The following ATG7 variants were observed in gnomAD, a reference collection of about 807,000 sequenced individuals.
The protein encoded by ATG7 is autophagy related 7.
ATG7 carries 70 observed loss-of-function variants against 82.4 expected under a neutral mutation model. The ratio of observed to expected loss-of-function variants is 0.85; its 90% confidence interval spans 0.70 to 1.04. The LOEUF is 1.04. ATG7 is among the 50% of genes least tolerant of loss of function. ATG7 has a pLI of 0.00. For missense variants in ATG7, 792 were observed against 864.3 expected (o/e 0.92, Z 1.05); for synonymous variants, 287 against 313.0 (o/e 0.92, Z 0.88).
At chr3:11,547,877 CAG>C (rs1233427212) in intron 20 of ATG7, among the ~76,000 whole-genome samples, 2 of 152,062 alleles carry the variant, frequency 1.3e-5, no homozygotes, top group East Asian at 1.9e-4. Flanking sequence ...GTTTTTGAAA[CAG>C]GGTCTTGCTG....
rs1229920719 is a variant in ATG7, at chr3:11,556,066, A to C, written c.*1223A>C. On this transcript the variant is annotated 3_prime_UTR_variant, in exon 21 of 21. Coordinates refer to ENST00000693202, the MANE Select transcript of ATG7 (RefSeq NM_001349232.2). Reference sequence around the variant, plus strand: ...GGCGCTGAAACTGCACACGTACACTATGTGGTTTAAGAGCACTTTATTATT... The same window carrying C: ...GGCGCTGAAACTGCACACGTACACTCTGTGGTTTAAGAGCACTTTATTATT... The C allele has an allele frequency of 1.3e-5, 2 of 152,724 alleles. No individual in the cohort carries two copies. Among genetic ancestry groups the C allele is most frequent in the Non-Finnish European group, 2.9e-5 (2 of 68,030 alleles). The allele number at this position is 152,724 out of a possible 1,614,324, so 9.5% of individuals were successfully genotyped here. A position where few individuals can be genotyped will look rare whatever the true frequency, so the allele number is the denominator to read the frequency against.
intron 1 of ATG7, among the ~76,000 whole-genome samples, chr3:11,273,549 A>C (rs1940994875): frequency 6.6e-6 from 1 of 152,228 alleles, no homozygotes; most frequent in Admixed American, 6.5e-5. Context: ...GTATTTGCTC[A>C]TAGTAAACTT....
intron 1 of ATG7, among the ~76,000 whole-genome samples, chr3:11,277,892 C>CCG (rs1553596316): frequency 3.7e-5 from 1 of 26,990 alleles, no homozygotes; most frequent in South Asian, 2.1e-3. Context: ...CCTTTATAGA[C>CCG]CCCCCCCCCC....
intron 18 of ATG7, among the ~76,000 whole-genome samples, chr3:11,367,390 TC>T (rs1159298563): frequency 3.9e-5 from 6 of 152,180 alleles, no homozygotes; most frequent in Non-Finnish European, 2.9e-5. Flanking sequence ...TTTTCTCAGT[TC>T]CCAAGAGGAG....
intron 20 of ATG7, among the ~76,000 whole-genome samples, chr3:11,491,925 G>A (rs1360356370): frequency 6.6e-6 from 1 of 152,198 alleles, no homozygotes; most frequent in African/African-American, 2.4e-5. Flanking sequence ...GTTTGTCTGT[G>A]CCCTGCCCCC....
intron 20 of ATG7, among the ~76,000 whole-genome samples, chr3:11,438,243 C>T (rs2083543238): frequency 6.6e-6 from 1 of 152,192 alleles, no homozygotes; most frequent in African/African-American, 2.4e-5. Context: ...GAGAGCCAAC[C>T]AGCCCTGAGC....
At chr3:11,403,051 C>T (rs76715481) in intron 19 of ATG7, among the ~76,000 whole-genome samples, 3,286 of 152,216 alleles carry the variant, frequency 0.022, 53 homozygotes, top group African/African-American at 0.027. Context: ...GTGATTACAA[C>T]GTTGAATAGT....
intron 20 of ATG7, among the ~76,000 whole-genome samples, chr3:11,475,181 T>A (rs2088005152): frequency 6.6e-6 from 1 of 152,118 alleles, no homozygotes; most frequent in Admixed American, 6.6e-5. Context: ...AATTTGGATT[T>A]GCTCCTAAAG....
intron 20 of ATG7, among the ~76,000 whole-genome samples, chr3:11,456,607 C>T (rs984284681): frequency 1.3e-5 from 2 of 152,156 alleles, no homozygotes; most frequent in Non-Finnish European, 2.9e-5. Flanking sequence ...CACTAATACA[C>T]CTTGCCTCCC....
At chr3:11,532,700 G>T (rs1251188087) in intron 20 of ATG7, among the ~76,000 whole-genome samples, 1 of 152,166 alleles carries the variant, frequency 6.6e-6, no homozygotes, top group Non-Finnish European at 1.5e-5. Flanking sequence ...TCCAGTCTAG[G>T]TGACAGAGTG....
chr3:11,430,063 A>T (rs1278496826), intron 20 of ATG7, among the ~76,000 whole-genome samples: 1 of 151,528 alleles, frequency 6.6e-6, no homozygotes, highest in South Asian at 2.1e-4. Flanking sequence ...CTGCCCAGAG[A>T]TATTCTTTAG....
chr3:11,552,258 G>GT (rs2125065437), intron 20 of ATG7, among the ~76,000 whole-genome samples: 1 of 152,230 alleles, frequency 6.6e-6, no homozygotes, highest in South Asian at 2.1e-4. Context: ...GTTTTTAAAG[G>GT]TTTGTATTAC....
At chr3:11,528,683 G>T (rs538917170) in intron 20 of ATG7, among the ~76,000 whole-genome samples, 1 of 151,788 alleles carries the variant, frequency 6.6e-6, no homozygotes, top group Non-Finnish European at 1.5e-5. Context: ...AAAATTAGCC[G>T]GGCATGGTGG....
At chr3:11,287,107 C>G (rs1320178069) in intron 3 of ATG7, among the ~76,000 whole-genome samples, 2 of 152,044 alleles carry the variant, frequency 1.3e-5, no homozygotes, top group Non-Finnish European at 2.9e-5. Flanking sequence ...TGTTTGAGAG[C>G]CACTCACAAG....
Position 11,475,868 on chromosome 3 carries a change from G to GACACACACACACACACACACAC in ATG7, c.2079+48961_2079+48982dup, listed in dbSNP as rs3219674. 2.5e-3 allele frequency among the ~76,000 whole-genome samples: 283 copies of GACACACACACACACACACACAC among 111,160 alleles called. 2 individuals are homozygous for GACACACACACACACACACACAC. Among genetic ancestry groups the GACACACACACACACACACACAC allele is most frequent in the East Asian group, 7.4e-3 (27 of 3,658 alleles). 72.9% of individuals were successfully genotyped at this position (111,160 alleles called of 152,430 possible). A position where few individuals can be genotyped will look rare whatever the true frequency, so the allele number is the denominator to read the frequency against. Reference sequence around the variant, plus strand: ...TCTATGTCCATCTCTCTGTCTCTGAGACACACACACACACACACACACACA... The same window carrying GACACACACACACACACACACAC: ...TCTATGTCCATCTCTCTGTCTCTGAGACACACACACACACACACACACACACACACACACACACACACACACA... On this transcript the variant is annotated intron_variant, in intron 20 of 20. Transcript: ENST00000693202.
At chr3:11,346,418 C>G (rs914556984) in intron 13 of ATG7, 1 of 152,174 alleles carries the variant, frequency 6.6e-6, no homozygotes, top group Non-Finnish European at 1.5e-5. Flanking sequence ...TGCCAAATTG[C>G]TTTCCAGGAA....
intron 20 of ATG7, among the ~76,000 whole-genome samples, chr3:11,540,073 A>T (rs1243815276): frequency 1.3e-5 from 2 of 152,210 alleles, no homozygotes; most frequent in Non-Finnish European, 2.9e-5. Flanking sequence ...CTAGGACTAG[A>T]ATTGCTGGGT....
intron 3 of ATG7, among the ~76,000 whole-genome samples, chr3:11,288,163 A>G (rs958072771): frequency 2.0e-5 from 3 of 152,246 alleles, no homozygotes; most frequent in Admixed American, 6.5e-5. Flanking sequence ...GTGCAGTATT[A>G]CGTGGCAAAT....
chr3:11,510,170 T>G (rs2091976676), intron 20 of ATG7: 2 of 456,320 alleles, frequency 4.4e-6, no homozygotes, highest in Middle Eastern at 3.3e-4. Context: ...ATCATATATC[T>G]TTACCCCCTT....
Sources: allele counts gnomAD v4.1 joint callset (sites outside exome capture counted in the v4.1 genomes callset), GRCh38; gene constraint gnomAD v4.1.1; transcripts MANE v1.5; gene names NCBI Gene and HGNC (gene_info 2026-07-23, HGNC 2026-07-21).